The following PRKAA1 variants were observed in gnomAD, a reference collection of about 807,000 sequenced individuals.
The protein encoded by PRKAA1 is protein kinase AMP-activated catalytic subunit alpha 1.
A neutral mutation model predicts 56.9 loss-of-function variants in PRKAA1; 23 were observed. The observed-to-expected ratio is 0.40, with a 90% CI of 0.29 to 0.57. The LOEUF (loss-of-function observed/expected upper bound fraction) is 0.57. Among genes scored for constraint, PRKAA1 ranks in the 20% least tolerant of loss-of-function variants. PRKAA1 has a pLI of 0.39. For synonymous variants in PRKAA1, 226 were observed against 227.0 expected (o/e 1.00, Z 0.04); for missense variants, 413 against 679.7 (o/e 0.61, Z 4.36).
At position 40,762,264 on chromosome 5, in the gene PRKAA1, TG is replaced by T. The variant is rs1345093258; in HGVS notation, c.*513del. The stretch of plus-strand genomic sequence containing the variant: ...TCCAGCCTGGGTGACAAAGTGACAC[TG>T]TCTCAAAAAAACAAAGAGGGAGGGA... On this transcript the variant is annotated 3_prime_UTR_variant, in exon 9 of 9. Transcript: ENST00000397128. The T allele has an allele frequency of 7.0e-5, 11 of 156,256 alleles. No individual in the cohort carries two copies. Among genetic ancestry groups the T allele is most frequent in the African/African-American group, 2.6e-4 (11 of 41,546 alleles). The allele number at this position is 156,256 out of a possible 1,614,324, so 9.7% of individuals were successfully genotyped here.
chr5:40,792,040 A>G (rs1744737841), intron 1 of PRKAA1, among the ~76,000 whole-genome samples: 1 of 152,270 alleles, frequency 6.6e-6, no homozygotes, highest in Admixed American at 6.5e-5. Flanking sequence ...GTTCAAAAGT[A>G]CAAAAGCATC....
At chr5:40,791,201 T>C (rs1014216965) in intron 1 of PRKAA1, among the ~76,000 whole-genome samples, 2 of 152,222 alleles carry the variant, frequency 1.3e-5, no homozygotes, top group Admixed American at 6.5e-5. Flanking sequence ...AATCAATGAA[T>C]GTAGTAAATG....
At position 40,762,670 on chromosome 5, in the gene PRKAA1, G is replaced by A. The variant is rs1037419557; in HGVS notation, c.*108C>T. On this transcript the variant is annotated 3_prime_UTR_variant, in exon 9 of 9. Coordinates refer to ENST00000397128, the MANE Select transcript of PRKAA1 (RefSeq NM_006251.6). ...CCCTGTGCAAATTGCATTCCAAAAC[G>A]CCAGCCCTCGGTTATAATTATGTAT... is the stretch of plus-strand genomic sequence containing the variant. The A allele has an allele frequency of 1.0e-5, 14 of 1,397,692 alleles. No homozygotes were observed. Among genetic ancestry groups the A allele is most frequent in the Admixed American group, 2.3e-5 (1 of 44,008 alleles). 86.6% of individuals were successfully genotyped at this position (1,397,692 alleles called of 1,614,324 possible). A position where few individuals can be genotyped will look rare whatever the true frequency, so the allele number is the denominator to read the frequency against.
intron 1 of PRKAA1, among the ~76,000 whole-genome samples, chr5:40,795,361 T>C (rs1047573910): frequency 6.6e-6 from 1 of 151,870 alleles, no homozygotes; most frequent in Non-Finnish European, 1.5e-5. Flanking sequence ...TGCAACCAAA[T>C]ACCATCTGTA....
chr5:40,789,078 G>T lies in PRKAA1; in HGVS notation c.127+8985C>A, dbSNP rs1432484931. ...ATACATAAATTAGCCAGGCGTGGTG[G>T]TGTATGCCTGTAGTCCCAGCTACTT... On this transcript the variant is annotated intron_variant, in intron 1 of 8. Coordinates refer to ENST00000397128, the MANE Select transcript of PRKAA1 (RefSeq NM_006251.6). 2.0e-5 allele frequency among the ~76,000 whole-genome samples: 3 copies of T among 151,888 alleles called. No individual in the cohort carries two copies. In the East Asian group the frequency reaches 5.8e-4, roughly 29 times the overall value.
Position 40,760,788 on chromosome 5 carries a change from T to G in PRKAA1, c.*1990A>C, listed in dbSNP as rs1743152547. On this transcript the variant is annotated 3_prime_UTR_variant, in exon 9 of 9. Coordinates refer to ENST00000397128, the MANE Select transcript of PRKAA1 (RefSeq NM_006251.6). ...ATCATGACATTTGAGTTCATTATCATCTGGTTACATAAGTGCTCACTGTAT... is the reference window on the plus strand; with the variant it reads ...ATCATGACATTTGAGTTCATTATCAGCTGGTTACATAAGTGCTCACTGTAT... 1 of 152,726 alleles carries G rather than the reference T, an allele frequency of 6.5e-6. No individual in the cohort carries two copies. Among genetic ancestry groups the G allele is most frequent in the Non-Finnish European group, 1.5e-5 (1 of 67,996 alleles). 9.5% of individuals were successfully genotyped at this position (152,726 alleles called of 1,614,324 possible). A position where few individuals can be genotyped will look rare whatever the true frequency, so the allele number is the denominator to read the frequency against.
intron 1 of PRKAA1, among the ~76,000 whole-genome samples, chr5:40,797,586 C>A (rs1297160033): frequency 6.6e-6 from 1 of 152,214 alleles, no homozygotes; most frequent in Non-Finnish European, 1.5e-5. Context: ...CAGCAGGGGC[C>A]GGTAAATCGA....
At chr5:40,787,064 TG>T (rs1248153421) in intron 1 of PRKAA1, among the ~76,000 whole-genome samples, 2 of 151,358 alleles carry the variant, frequency 1.3e-5, no homozygotes, top group East Asian at 3.9e-4. Flanking sequence ...TAAAACTCAC[TG>T]GAAAAAGTAA....
At position 40,783,770 on chromosome 5, in the gene PRKAA1, T is replaced by A. The variant is rs568609171; in HGVS notation, c.128-6184A>T. On this transcript the variant is annotated intron_variant, in intron 1 of 8. Coordinates refer to ENST00000397128, the MANE Select transcript of PRKAA1 (RefSeq NM_006251.6). ...CGAGACTCCATCTCAAAAAAAAAAA[T>A]TTCCAAAGGGGAAAAAAACAATTGG... Among the ~76,000 whole-genome samples, 18 of 151,950 alleles carry A rather than the reference T, an allele frequency of 1.2e-4. No homozygotes were observed. The South Asian group carries it at 3.7e-3, about 32-fold the overall frequency.
At chr5:40,769,572 T>C in intron 4 of PRKAA1, 69 bp from the exon 5 acceptor site, 2 of 1,226,594 alleles carry the variant, frequency 1.6e-6, no homozygotes, top group Non-Finnish European at 2.4e-6. Context: ...CATTAAACAA[T>C]AAAATTGAGT....
intron 1 of PRKAA1, among the ~76,000 whole-genome samples, chr5:40,796,873 T>C (rs1209477686): frequency 2.0e-5 from 3 of 152,232 alleles, no homozygotes; most frequent in African/African-American, 7.2e-5. Flanking sequence ...GAACTTAGTA[T>C]ATGCAAGTCA....
Position 40,781,257 on chromosome 5 carries a change from T to C in PRKAA1, c.128-3671A>G, listed in dbSNP as rs1036157156. On this transcript the variant is annotated intron_variant, in intron 1 of 8. Transcript: ENST00000397128. ...TATTTCAACATTTGGGATTATGGCA[T>C]TAGGGATTTGGTCTTTTGGGGATAT... 7.2e-5 allele frequency among the ~76,000 whole-genome samples: 11 copies of C among 152,292 alleles called. 1 individual carries two copies. In the South Asian group the frequency reaches 1.9e-3, roughly 26 times the overall value.
At chr5:40,777,344 CAA>C in intron 2 of PRKAA1, 99 bp downstream of exon 2, 9 of 1,342,826 alleles carry the variant, frequency 6.7e-6, no homozygotes, top group Non-Finnish European at 9.2e-6. Flanking sequence ...CCTTAGGAAA[CAA>C]AAAGAAGTGT....
At chr5:40,791,398 C>T (rs1744712101) in intron 1 of PRKAA1, among the ~76,000 whole-genome samples, 1 of 152,222 alleles carries the variant, frequency 6.6e-6, no homozygotes, top group Admixed American at 6.5e-5. Context: ...TTCACAATGT[C>T]CCCCTCACAA....
intron 3 of PRKAA1, among the ~76,000 whole-genome samples, 153 bp downstream of exon 3, chr5:40,775,257 T>G (rs1743945629): frequency 6.6e-6 from 1 of 152,236 alleles, no homozygotes; most frequent in Non-Finnish European, 1.5e-5. Flanking sequence ...AGATCCTTTC[T>G]AGTTCTACAT....
chr5:40,791,752 C>A (rs1744726189), intron 1 of PRKAA1, among the ~76,000 whole-genome samples: 1 of 152,144 alleles, frequency 6.6e-6, no homozygotes, highest in Non-Finnish European at 1.5e-5. Flanking sequence ...TTCAAGCACA[C>A]CAAGGGCATT....
intron 1 of PRKAA1, among the ~76,000 whole-genome samples, chr5:40,792,357 G>C (rs901889789): frequency 3.3e-5 from 5 of 152,110 alleles, no homozygotes; most frequent in Non-Finnish European, 7.4e-5. Flanking sequence ...TATTAGAAAG[G>C]TTACTTCGAA....
rs190680218 is a variant in PRKAA1 at position 40,794,192 on chromosome 5, G to A, written c.127+3871C>T. The stretch of plus-strand genomic sequence containing the variant: ...TTTTTGATGATGGCCATTCTTGCAG[G>A]AGTGAGGTGGTATCACATTGTGGTT... On this transcript the variant is annotated intron_variant, in intron 1 of 8. Transcript: ENST00000397128. 6.1e-3 allele frequency among the ~76,000 whole-genome samples: 930 copies of A among 152,170 alleles called. 13 individuals are homozygous for A. The highest frequency in any genetic ancestry group is 0.021 in the African/African-American group (881 of 41,516).
At chr5:40,784,694 G>A (rs1416006899) in intron 1 of PRKAA1, among the ~76,000 whole-genome samples, 8 of 152,044 alleles carry the variant, frequency 5.3e-5, no homozygotes, top group Admixed American at 5.2e-4. Context: ...AATATTTGCA[G>A]CATACTCACT....
Sources: gnomAD v4.1 joint callset for allele counts (sites outside exome capture counted in the v4.1 genomes callset) on GRCh38, gnomAD v4.1.1 for gene constraint, MANE v1.5 for transcripts, NCBI Gene and HGNC (gene_info 2026-07-23, HGNC 2026-07-21) for gene names.